TSC22D1: variants seen among roughly 807,000 people sequenced by gnomAD.
TSC22D1 encodes the protein TSC22 domain family member 1, also known as TSC22 domain family protein 1.
In TSC22D1, 9 loss-of-function variants were observed where a neutral mutation model predicts 74.2. That is an observed-to-expected ratio of 0.12 (90% CI 0.07 to 0.21). The LOEUF (loss-of-function observed/expected upper bound fraction) is 0.21, where lower values mean the gene tolerates loss of function less well. Among genes scored for constraint, TSC22D1 ranks in the 10% least tolerant of loss-of-function variants. TSC22D1 has a pLI of 1.00. For missense variants in TSC22D1, 1,427 were observed against 1,304.7 expected (o/e 1.09, Z -1.44); for synonymous variants, 586 against 492.5 (o/e 1.19, Z -2.51).
chr13:44,457,486 A>G (rs1391464738), intron 1 of TSC22D1, among the ~76,000 whole-genome samples: 1 of 152,144 alleles, frequency 6.6e-6, no homozygotes, highest in Non-Finnish European at 1.5e-5. Flanking sequence ...CAACAGAAAT[A>G]AAATTCATGT....
intron 1 of TSC22D1, among the ~76,000 whole-genome samples, chr13:44,493,044 T>C (rs1450678637): frequency 1.3e-5 from 2 of 152,098 alleles, no homozygotes; most frequent in Non-Finnish European, 2.9e-5. Flanking sequence ...AGAGTACCAA[T>C]GGCCCTTCCC....
chr13:44,541,451 A>T (rs1450620289), intron 1 of TSC22D1, among the ~76,000 whole-genome samples: 2 of 152,192 alleles, frequency 1.3e-5, no homozygotes, highest in East Asian at 3.8e-4. Flanking sequence ...TATTAAAGAA[A>T]AGAAAAAAGA....
In TSC22D1 at chr13:44,539,504, G is replaced by A. The variant is rs1881340197; in HGVS notation, c.2912+33659C>T. ...AAGGCCAAAATGGGTAGATATTCCC[G>A]TTTTAAAATTCCTGTGGACTACATA... is the stretch of plus-strand genomic sequence containing the variant. On this transcript the variant is annotated intron_variant, in intron 1 of 2. Transcript: ENST00000458659. 4.3e-5 allele frequency: 42 copies of A among 985,232 alleles called. No individual in the cohort carries two copies. The South Asian group carries it at 1.7e-3, about 40-fold the overall frequency. 61.0% of individuals were successfully genotyped at this position (985,232 alleles called of 1,614,324 possible).
At chr13:44,456,321 A>G (rs1436996869) in intron 1 of TSC22D1, among the ~76,000 whole-genome samples, 1 of 152,148 alleles carries the variant, frequency 6.6e-6, no homozygotes, top group Non-Finnish European at 1.5e-5. Context: ...CATCCTGCTG[A>G]TTGGTCCATT....
At chr13:44,446,811 G>GGAAGAGGAGGAGGAA (rs1875701281) in intron 1 of TSC22D1, among the ~76,000 whole-genome samples, 6 of 144,906 alleles carry the variant, frequency 4.1e-5, no homozygotes, top group African/African-American at 1.3e-4. Context: ...AAAAGGAGGA[G>GGAAGAGGAGGAGGAA]GAAGAGGAGG....
intron 1 of TSC22D1, among the ~76,000 whole-genome samples, chr13:44,485,611 A>G (rs1878394769): frequency 6.6e-6 from 1 of 152,148 alleles, no homozygotes; most frequent in Admixed American, 6.5e-5. Context: ...AATAAAATAA[A>G]GGCATTTTTC....
chr13:44,576,195 T>C lies in TSC22D1; in HGVS notation c.-121A>G. The C allele has an allele frequency of 1.5e-6, 2 of 1,355,646 alleles. No individual in the cohort carries two copies. Among genetic ancestry groups the C allele is most frequent in the African/African-American group, 2.9e-5 (2 of 68,180 alleles). 84.0% of individuals were successfully genotyped at this position (1,355,646 alleles called of 1,614,324 possible). ...ACGCTCCGCCTGGCGCGATTCCTCC[T>C]TCTCCTCCTCCTCAGCCAAAGGCGC... On this transcript the variant is annotated 5_prime_UTR_variant, in exon 1 of 3. Coordinates refer to ENST00000458659, the MANE Select transcript of TSC22D1 (RefSeq NM_183422.4).
intron 1 of TSC22D1, among the ~76,000 whole-genome samples, chr13:44,507,314 G>T (rs1879490006): frequency 1.3e-5 from 2 of 152,156 alleles, no homozygotes. Flanking sequence ...GTAGCGCAAG[G>T]TTCAAAATGA....
intron 1 of TSC22D1, among the ~76,000 whole-genome samples, chr13:44,487,354 C>T (rs1878475959): frequency 6.6e-6 from 1 of 151,506 alleles, no homozygotes; most frequent in Non-Finnish European, 1.5e-5. Context: ...CAAAAATTAG[C>T]TGGGCGTGGT....
intron 1 of TSC22D1, among the ~76,000 whole-genome samples, chr13:44,485,754 T>C (rs977005669): frequency 1.3e-5 from 2 of 152,086 alleles, no homozygotes; most frequent in Non-Finnish European, 2.9e-5. Context: ...AAGAAACTGG[T>C]AAACCTGTGG....
chr13:44,491,682 AAC>A (rs1878733300), intron 1 of TSC22D1, among the ~76,000 whole-genome samples: 1 of 152,246 alleles, frequency 6.6e-6, no homozygotes, highest in South Asian at 2.1e-4. Flanking sequence ...AGGAAATATG[AAC>A]AGTTTAACAG....
chr13:44,475,719 T>A (rs941697871), intron 1 of TSC22D1, among the ~76,000 whole-genome samples: 5 of 152,046 alleles, frequency 3.3e-5, no homozygotes, highest in African/African-American at 1.2e-4. Context: ...AAAATATAAC[T>A]TACTGAAACA....
chr13:44,517,855 ATAT>A (rs1880116130), intron 1 of TSC22D1, among the ~76,000 whole-genome samples: 2 of 23,542 alleles, frequency 8.5e-5, no homozygotes, highest in Non-Finnish European at 2.2e-4. Context: ...ATATATATAT[ATAT>A]TTTTTTTTTT....
chr13:44,522,622 A>G (rs1451388891), intron 1 of TSC22D1, among the ~76,000 whole-genome samples: 2 of 152,220 alleles, frequency 1.3e-5, no homozygotes, highest in African/African-American at 4.8e-5. Flanking sequence ...GGTGCTGGAC[A>G]ACCACATGCA....
At chr13:44,516,358 C>A in intron 1 of TSC22D1, 1 of 463,988 alleles carries the variant, frequency 2.2e-6, no homozygotes, top group Non-Finnish European at 4.2e-6. Flanking sequence ...TTTTTAAAAA[C>A]AAATTCTCTT....
At chr13:44,490,071 A>G (rs1414133629) in intron 1 of TSC22D1, among the ~76,000 whole-genome samples, 1 of 152,224 alleles carries the variant, frequency 6.6e-6, no homozygotes, top group Non-Finnish European at 1.5e-5. Context: ...TAGCCCCCAG[A>G]TGGAAAAAAC....
intron 1 of TSC22D1, among the ~76,000 whole-genome samples, chr13:44,459,229 C>T (rs1405845741): frequency 6.6e-6 from 1 of 152,182 alleles, no homozygotes. Context: ...AGGAGCGACC[C>T]ACTTGGGGTC....
At chr13:44,521,322 T>C (rs112791850) in intron 1 of TSC22D1, among the ~76,000 whole-genome samples, 2 of 152,174 alleles carry the variant, frequency 1.3e-5, no homozygotes, top group African/African-American at 4.8e-5. Flanking sequence ...AGTCATGCTA[T>C]GGGATTTAAT....
At chr13:44,556,085 T>C (rs986386697) in intron 1 of TSC22D1, among the ~76,000 whole-genome samples, 1 of 152,026 alleles carries the variant, frequency 6.6e-6, no homozygotes, top group Non-Finnish European at 1.5e-5. Context: ...AAATGATAAA[T>C]AAAGCTACTA....
Sources: allele counts gnomAD v4.1 joint callset (sites outside exome capture counted in the v4.1 genomes callset), GRCh38; gene constraint gnomAD v4.1.1; transcripts MANE v1.5; gene names NCBI Gene and HGNC (gene_info 2026-07-23, HGNC 2026-07-21).